The following ENOX1 variants were observed in gnomAD, a reference collection of about 807,000 sequenced individuals.
The protein encoded by ENOX1 is candidate growth-related and time keeping constitutive hydroquinone (NADH) oxidase.
In ENOX1, 42 loss-of-function variants were observed where a neutral mutation model predicts 82.5. The observed-to-expected ratio is 0.51, with a 90% CI of 0.40 to 0.66. ENOX1 has a LOEUF of 0.66. ENOX1 is among the 30% of genes least tolerant of loss of function. ENOX1 has a pLI of 0.00. For missense variants in ENOX1, 608 were observed against 811.6 expected (o/e 0.75, Z 3.05); for synonymous variants, 271 against 282.2 (o/e 0.96, Z 0.40).
At chr13:43,683,018 T>C (rs999097471) in intron 1 of ENOX1, among the ~76,000 whole-genome samples, 7 of 152,158 alleles carry the variant, frequency 4.6e-5, no homozygotes, top group Non-Finnish European at 1.0e-4. Context: ...AAAACAAACT[T>C]AGCTTCAGAG....
chr13:43,563,249 T>C (rs1315398465), intron 2 of ENOX1, among the ~76,000 whole-genome samples: 1 of 152,088 alleles, frequency 6.6e-6, no homozygotes, highest in Non-Finnish European at 1.5e-5. Flanking sequence ...TTGGAAAGTA[T>C]ACAAACACAT....
chr13:43,737,336 G>A (rs915826938), intron 1 of ENOX1, among the ~76,000 whole-genome samples: 2 of 152,138 alleles, frequency 1.3e-5, no homozygotes, highest in Non-Finnish European at 2.9e-5. Flanking sequence ...AGAAAGCCTG[G>A]GCACTTGACT....
At chr13:43,614,542 C>CTTTTTTTT (rs9316046) in intron 2 of ENOX1, among the ~76,000 whole-genome samples, 3 of 129,824 alleles carry the variant, frequency 2.3e-5, no homozygotes, top group Non-Finnish European at 3.1e-5. Flanking sequence ...AAATAAAGGG[C>CTTTTTTTT]TTTTTTTTTT....
chr13:43,245,233 CTT>C (rs895590075), intron 14 of ENOX1, among the ~76,000 whole-genome samples: 29 of 152,124 alleles, frequency 1.9e-4, no homozygotes, highest in Non-Finnish European at 3.8e-4. Flanking sequence ...TGCTGTGTTT[CTT>C]TGTTTCATTT....
chr13:43,768,244 C>A (rs1951398818), intron 1 of ENOX1, among the ~76,000 whole-genome samples: 1 of 152,158 alleles, frequency 6.6e-6, no homozygotes, highest in Non-Finnish European at 1.5e-5. Flanking sequence ...CCATAGCAGA[C>A]AAGTTCAGAC....
chr13:43,734,945 T>G (rs1424691204), intron 1 of ENOX1, among the ~76,000 whole-genome samples: 1 of 152,206 alleles, frequency 6.6e-6, no homozygotes, highest in Non-Finnish European at 1.5e-5. Flanking sequence ...AAGATACATC[T>G]TTGAGGCACC....
At chr13:43,363,415 A>G (rs2050649079) in intron 5 of ENOX1, among the ~76,000 whole-genome samples, 1 of 152,108 alleles carries the variant, frequency 6.6e-6, no homozygotes, top group Non-Finnish European at 1.5e-5. Context: ...TACTTCTTAA[A>G]ATGTACTTTA....
chr13:43,538,735 T>C (rs1479211823), intron 2 of ENOX1, among the ~76,000 whole-genome samples: 4 of 152,158 alleles, frequency 2.6e-5, no homozygotes, highest in Non-Finnish European at 5.9e-5. Context: ...TTTTCATTCT[T>C]ACCACCTGGC....
intron 2 of ENOX1, among the ~76,000 whole-genome samples, chr13:43,561,925 C>T (rs1416421127): frequency 6.7e-6 from 1 of 149,964 alleles, no homozygotes; most frequent in African/African-American, 2.5e-5. Context: ...GCCATAATAA[C>T]ACCGCTGCAC....
At chr13:43,454,653 C>T (rs1885886) in intron 3 of ENOX1, among the ~76,000 whole-genome samples, 64,480 of 151,846 alleles carry the variant, frequency 0.42, 14,327 homozygotes, top group Non-Finnish European at 0.5. Flanking sequence ...ATTGATATTC[C>T]AGTTTACCTT....
chr13:43,520,714 T>G (rs2153682538), intron 2 of ENOX1, among the ~76,000 whole-genome samples: 1 of 152,264 alleles, frequency 6.6e-6, no homozygotes, highest in South Asian at 2.1e-4. Context: ...AAAGTGGTAC[T>G]GAGACAGAAG....
At chr13:43,771,386 G>A (rs1292814018) in intron 1 of ENOX1, among the ~76,000 whole-genome samples, 3 of 152,072 alleles carry the variant, frequency 2.0e-5, no homozygotes. Flanking sequence ...ATCAGTAAAG[G>A]AGCCTTATTC....
In ENOX1 at chr13:43,469,947, G is replaced by T. The variant is rs181630813; in HGVS notation, c.-75+14062C>A. ...AGAGCTACAAAACCAATGGAACAGA[G>T]CAGAGAGCTCAGAAATAGATGCATA... On this transcript the variant is annotated intron_variant, in intron 3 of 16. Transcript: ENST00000690772. Among the ~76,000 whole-genome samples, 10 of 150,960 alleles carry T rather than the reference G, an allele frequency of 6.6e-5. No individual in the cohort carries two copies. In the East Asian group the frequency reaches 1.7e-3, roughly 26 times the overall value.
chr13:43,283,502 C>A (rs148849867), intron 12 of ENOX1, among the ~76,000 whole-genome samples: 1 of 151,964 alleles, frequency 6.6e-6, no homozygotes, highest in Non-Finnish European at 1.5e-5. Context: ...GAGAATACAG[C>A]GGTGTAATCA....
intron 1 of ENOX1, among the ~76,000 whole-genome samples, chr13:43,695,391 T>C (rs1055618165): frequency 3.4e-4 from 51 of 152,030 alleles, no homozygotes; most frequent in Non-Finnish European, 6.5e-4. Context: ...CTCACCTTGG[T>C]TCAACAAAAC....
At chr13:43,257,410 A>G (rs1018271789) in intron 14 of ENOX1, among the ~76,000 whole-genome samples, 2 of 152,230 alleles carry the variant, frequency 1.3e-5, no homozygotes, top group African/African-American at 4.8e-5. Context: ...GAAAATACGT[A>G]CATCTATTAT....
At chr13:43,302,912 T>C (rs1051299304) in intron 11 of ENOX1, among the ~76,000 whole-genome samples, 2 of 152,226 alleles carry the variant, frequency 1.3e-5, no homozygotes, top group East Asian at 3.8e-4. Flanking sequence ...AAGCTGACAG[T>C]CTGTTAATAT....
chr13:43,593,764 G>C (rs188473639), intron 2 of ENOX1, among the ~76,000 whole-genome samples: 2 of 149,120 alleles, frequency 1.3e-5, no homozygotes, highest in East Asian at 4.0e-4. Flanking sequence ...TTTCTTCTGG[G>C]GAAAGTCTTG....
intron 16 of ENOX1, among the ~76,000 whole-genome samples, chr13:43,216,277 T>G (rs2041478308): frequency 6.6e-6 from 1 of 152,220 alleles, no homozygotes; most frequent in Non-Finnish European, 1.5e-5. Context: ...TTGGGAAGAT[T>G]ACTTAACATT....
Sources: allele counts gnomAD v4.1 joint callset (sites outside exome capture counted in the v4.1 genomes callset), GRCh38; gene constraint gnomAD v4.1.1; transcripts MANE v1.5; gene names NCBI Gene and HGNC (gene_info 2026-07-23, HGNC 2026-07-21).